MGAT4C: variants seen among roughly 807,000 people sequenced by gnomAD.
The protein encoded by MGAT4C is alpha-1,3-mannosyl-glycoprotein 4-beta-N-acetylglucosaminyltransferase C.
MGAT4C carries 19 observed loss-of-function variants against 40.1 expected under a neutral mutation model. That is an observed-to-expected ratio of 0.47 (90% CI 0.33 to 0.70). MGAT4C has a LOEUF of 0.70. Ranked by LOEUF, MGAT4C falls within the 30% of genes least tolerant of loss-of-function variation. MGAT4C has a pLI of 0.02. For synonymous variants in MGAT4C, 181 were observed against 187.1 expected (o/e 0.97, Z 0.27); for missense variants, 491 against 563.2 (o/e 0.87, Z 1.30).
rs1057028535 is a variant in MGAT4C, at chr12:85,968,597, T to C, written c.*10692A>G. ...AATCTACGCTTGTCATCATGTTTTC[T>C]AATCTATAATCTTTCAAACTGGATA... is the stretch of plus-strand genomic sequence containing the variant. On this transcript the variant is annotated 3_prime_UTR_variant, in exon 5 of 5. Coordinates refer to ENST00000611864, the MANE Select transcript of MGAT4C (RefSeq NM_001351288.2). 6.6e-6 allele frequency: 1 copy of C among 152,012 alleles called. No homozygotes were observed. The highest frequency in any genetic ancestry group is 1.9e-4 in the East Asian group (1 of 5,194). 9.4% of individuals were successfully genotyped at this position (152,012 alleles called of 1,614,324 possible).
chr12:86,563,283 C>T (rs1192372659), intron 2 of MGAT4C, among the ~76,000 whole-genome samples: 1 of 152,190 alleles, frequency 6.6e-6, no homozygotes, highest in Non-Finnish European at 1.5e-5. Flanking sequence ...TGACACTCAA[C>T]TGTCAAAGGC....
intron 2 of MGAT4C, among the ~76,000 whole-genome samples, chr12:86,504,967 A>G (rs1054126886): frequency 2.0e-5 from 3 of 152,136 alleles, no homozygotes; most frequent in African/African-American, 7.2e-5. Flanking sequence ...TTTATTAATT[A>G]GTTAAAGGAT....
chr12:86,690,701 T>A (rs531018424), intron 2 of MGAT4C, among the ~76,000 whole-genome samples: 4 of 152,316 alleles, frequency 2.6e-5, no homozygotes, highest in Admixed American at 2.6e-4. Context: ...ACCCGCCTTC[T>A]GCTTTGGTCT....
intron 1 of MGAT4C, among the ~76,000 whole-genome samples, chr12:86,125,685 T>A (rs921321065): frequency 6.6e-6 from 1 of 152,154 alleles, no homozygotes; most frequent in Non-Finnish European, 1.5e-5. Context: ...AATGTCTAAT[T>A]TTTTTGAAAA....
intron 4 of MGAT4C, among the ~76,000 whole-genome samples, chr12:85,981,236 A>T (rs188703551): frequency 2.8e-4 from 43 of 152,260 alleles, no homozygotes; most frequent in African/African-American, 9.6e-4. Flanking sequence ...AATAAAATAA[A>T]ACCCTGAGAA....
rs1274296588 is a variant in MGAT4C at position 86,302,655 on chromosome 12, C to T, written c.-57+31410G>A. 2.0e-5 allele frequency among the ~76,000 whole-genome samples: 3 copies of T among 150,578 alleles called. 1 individual carries two copies. The highest frequency in any genetic ancestry group is 5.0e-5 in the African/African-American group (2 of 39,944). On this transcript the variant is annotated intron_variant, in intron 4 of 7. Transcript: ENST00000548651. ...TGTTGCCCAGGCTGGTCTCGAATTC[C>T]TGATCTCATGTGATCCACCTGCCTT...
At chr12:86,393,230 C>T (rs1956188494) in intron 3 of MGAT4C, among the ~76,000 whole-genome samples, 1 of 151,998 alleles carries the variant, frequency 6.6e-6, no homozygotes, top group Non-Finnish European at 1.5e-5. Context: ...TCTCTTTGCC[C>T]AATATGCTTT....
intron 1 of MGAT4C, among the ~76,000 whole-genome samples, chr12:86,208,660 A>AT (rs146757209): frequency 3.3e-5 from 5 of 151,018 alleles, no homozygotes; most frequent in Admixed American, 3.3e-4. Context: ...AGAGTTTTTT[A>AT]TTTTTTTTTA....
rs532449866 is a variant in MGAT4C, at chr12:86,048,860, T to A, written c.-7+814A>T. On this transcript the variant is annotated intron_variant, in intron 2 of 4. Transcript: ENST00000611864. The stretch of plus-strand genomic sequence containing the variant: ...GTCTGAGTTGTTACAATGAAAACAA[T>A]TGAGTTTTCATTAATAAATGGAATC... 1.5e-3 allele frequency among the ~76,000 whole-genome samples: 229 copies of A among 152,036 alleles called. 1 individual carries two copies. The highest frequency in any genetic ancestry group is 5.3e-3 in the African/African-American group (221 of 41,502).
chr12:86,141,742 G>A (rs1882869430), intron 1 of MGAT4C, among the ~76,000 whole-genome samples: 2 of 152,096 alleles, frequency 1.3e-5, no homozygotes, highest in South Asian at 4.1e-4. Flanking sequence ...AGCTTTTTAA[G>A]TTTCAGAGGA....
At chr12:86,231,364 C>T (rs543385390) in intron 1 of MGAT4C, among the ~76,000 whole-genome samples, 246 of 152,202 alleles carry the variant, frequency 1.6e-3, no homozygotes, top group Non-Finnish European at 2.9e-3. Context: ...AGCAAAACCC[C>T]TACTTATTAT....
intron 2 of MGAT4C, among the ~76,000 whole-genome samples, chr12:86,444,424 C>T (rs1236098761): frequency 6.6e-6 from 1 of 152,112 alleles, no homozygotes; most frequent in Non-Finnish European, 1.5e-5. Flanking sequence ...CATGGCTTTA[C>T]ATATAATCTT....
chr12:86,173,842 T>G (rs1887107895), intron 1 of MGAT4C, among the ~76,000 whole-genome samples: 1 of 152,152 alleles, frequency 6.6e-6, no homozygotes, highest in Non-Finnish European at 1.5e-5. Flanking sequence ...ATTTCATTTT[T>G]GAGAGCTACA....
intron 2 of MGAT4C, among the ~76,000 whole-genome samples, chr12:86,040,728 A>C (rs879089093): frequency 8.2e-6 from 1 of 121,352 alleles, no homozygotes; most frequent in Non-Finnish European, 1.8e-5. Flanking sequence ...AAAACAAACA[A>C]ACAAACAAAC....
At chr12:86,510,694 G>C (rs962131830) in intron 2 of MGAT4C, among the ~76,000 whole-genome samples, 1 of 152,112 alleles carries the variant, frequency 6.6e-6, no homozygotes, top group Non-Finnish European at 1.5e-5. Context: ...TGCAATCCTA[G>C]TCTCTGATAA....
chr12:86,205,904 A>T (rs1950232338), intron 1 of MGAT4C, among the ~76,000 whole-genome samples: 1 of 151,742 alleles, frequency 6.6e-6, no homozygotes, highest in Admixed American at 6.6e-5. Context: ...AATATTTTTA[A>T]AGTTAGTCCA....
At chr12:86,365,732 TTA>T (rs1955578638) in intron 3 of MGAT4C, among the ~76,000 whole-genome samples, 1 of 151,886 alleles carries the variant, frequency 6.6e-6, no homozygotes, top group Admixed American at 6.6e-5. Flanking sequence ...GTGTGTGGTT[TTA>T]TTTCTGGGTC....
chr12:86,508,491 C>T (rs1447228219), intron 2 of MGAT4C, among the ~76,000 whole-genome samples: 1 of 152,044 alleles, frequency 6.6e-6, no homozygotes, highest in Admixed American at 6.5e-5. Context: ...CAAGTCTTTG[C>T]TATTGTGAAT....
At chr12:86,126,446 C>T (rs547302206) in intron 1 of MGAT4C, among the ~76,000 whole-genome samples, 53 of 151,998 alleles carry the variant, frequency 3.5e-4, no homozygotes, top group African/African-American at 1.3e-3. Context: ...CCAGTTTAAC[C>T]GTTGTACTAA....
Sources: gnomAD v4.1 joint callset for allele counts (sites outside exome capture counted in the v4.1 genomes callset) on GRCh38, gnomAD v4.1.1 for gene constraint, MANE v1.5 for transcripts, NCBI Gene and HGNC (gene_info 2026-07-23, HGNC 2026-07-21) for gene names.